The following ZBTB20 variants were observed in gnomAD, a reference collection of about 807,000 sequenced individuals.
ZBTB20 encodes the protein zinc finger and BTB domain-containing protein 20.
ZBTB20 carries 9 observed loss-of-function variants against 56.9 expected under a neutral mutation model. That is an observed-to-expected ratio of 0.16 (90% CI 0.10 to 0.28). The LOEUF is 0.28. ZBTB20 is among the 10% of genes least tolerant of loss of function. The probability of loss-of-function intolerance (pLI) is 1.00; values close to 1 mark genes in which losing one functional copy is unlikely to be tolerated. For synonymous variants in ZBTB20, 417 were observed against 420.7 expected (o/e 0.99, Z 0.11); for missense variants, 655 against 1,003.0 (o/e 0.65, Z 4.69).
At chr3:114,903,269 T>C (rs1480412705) in intron 3 of ZBTB20, among the ~76,000 whole-genome samples, 1 of 152,134 alleles carries the variant, frequency 6.6e-6, no homozygotes, top group African/African-American at 2.4e-5. Flanking sequence ...TTACTCACCC[T>C]ACGAGGTTGT....
intron 7 of ZBTB20, among the ~76,000 whole-genome samples, chr3:114,448,540 A>C (rs1015747204): frequency 2.0e-5 from 3 of 152,238 alleles, no homozygotes; most frequent in Non-Finnish European, 2.9e-5. Context: ...CAGGTTAAAA[A>C]ATCTCTTCTT....
intron 6 of ZBTB20, among the ~76,000 whole-genome samples, chr3:114,548,245 A>G (rs2050134499): frequency 2.0e-5 from 3 of 152,210 alleles, no homozygotes; most frequent in African/African-American, 7.2e-5. Flanking sequence ...AGGAAAACTC[A>G]CACTTTTTTT....
intron 3 of ZBTB20, among the ~76,000 whole-genome samples, chr3:114,965,992 ATAAAAAAAGAGGCAAACATTTCCT>A (rs1257349612): frequency 2.6e-5 from 4 of 152,162 alleles, no homozygotes; most frequent in African/African-American, 9.7e-5. Flanking sequence ...TTTTAGAAAA[ATAAAAAAAGAGGCAAACATTTCCT>A]TAAAATCCAT....
chr3:114,532,060 C>A (rs1350021442), intron 6 of ZBTB20, among the ~76,000 whole-genome samples: 1 of 152,158 alleles, frequency 6.6e-6, no homozygotes, highest in Non-Finnish European at 1.5e-5. Context: ...AACTGGGCGG[C>A]CGTTTGGGCA....
At chr3:114,379,638 T>G (rs1216791495) in intron 10 of ZBTB20, among the ~76,000 whole-genome samples, 1 of 152,234 alleles carries the variant, frequency 6.6e-6, no homozygotes, top group Non-Finnish European at 1.5e-5. Flanking sequence ...ATTTTTAACC[T>G]GGATTCTCAT....
At chr3:114,626,065 G>A (rs757490158) in intron 6 of ZBTB20, among the ~76,000 whole-genome samples, 21 of 152,126 alleles carry the variant, frequency 1.4e-4, no homozygotes, top group Non-Finnish European at 2.6e-4. Flanking sequence ...AAACAGCATG[G>A]AAAACAGAAG....
chr3:114,810,525 T>A (rs1360002651), intron 4 of ZBTB20, among the ~76,000 whole-genome samples: 2 of 152,178 alleles, frequency 1.3e-5, no homozygotes, highest in Non-Finnish European at 2.9e-5. Flanking sequence ...GAACTACTGA[T>A]ACAATGGAAC....
chr3:114,768,881 T>C (rs1427405865), intron 5 of ZBTB20, among the ~76,000 whole-genome samples: 10 of 152,148 alleles, frequency 6.6e-5, no homozygotes. Flanking sequence ...ACCCAGTAAT[T>C]TTGCTACCAT....
chr3:114,411,789 A>G (rs1253698740), intron 7 of ZBTB20, among the ~76,000 whole-genome samples: 7 of 152,170 alleles, frequency 4.6e-5, no homozygotes, highest in Admixed American at 3.9e-4. Flanking sequence ...ATAATATTGA[A>G]GCACATTTAA....
intron 7 of ZBTB20, among the ~76,000 whole-genome samples, chr3:114,455,134 G>C: frequency 6.6e-6 from 1 of 151,430 alleles, no homozygotes; most frequent in East Asian, 1.9e-4. Context: ...GATTGGAACA[G>C]GAGGGAGAGA....
chr3:114,496,896 C>G (rs1387283183), intron 7 of ZBTB20, among the ~76,000 whole-genome samples: 5 of 152,188 alleles, frequency 3.3e-5, no homozygotes, highest in African/African-American at 1.2e-4. Flanking sequence ...GGAATGTCTT[C>G]TCCTTATCTG....
At chr3:114,910,282 C>A (rs2075479208) in intron 3 of ZBTB20, among the ~76,000 whole-genome samples, 1 of 151,066 alleles carries the variant, frequency 6.6e-6, no homozygotes. Flanking sequence ...TTTATATAAA[C>A]ATACACACAC....
chr3:115,131,341 T>C (rs1417594250), intron 1 of ZBTB20, among the ~76,000 whole-genome samples: 1 of 152,200 alleles, frequency 6.6e-6, no homozygotes, highest in Non-Finnish European at 1.5e-5. Context: ...ATCTTTGTAA[T>C]TATTTTTTAA....
intron 6 of ZBTB20, among the ~76,000 whole-genome samples, chr3:114,540,846 A>G (rs1320597958): frequency 1.3e-5 from 2 of 152,108 alleles, no homozygotes; most frequent in Non-Finnish European, 2.9e-5. Flanking sequence ...AAATTAAGCA[A>G]TTCCTTTAGT....
At chr3:114,903,406 C>T (rs2075201084) in intron 3 of ZBTB20, among the ~76,000 whole-genome samples, 1 of 151,972 alleles carries the variant, frequency 6.6e-6, no homozygotes, top group Non-Finnish European at 1.5e-5. Context: ...ATGTCTGTCC[C>T]TTTAAGCTAA....
chr3:114,771,262 T>C (rs1188163030), intron 5 of ZBTB20, among the ~76,000 whole-genome samples: 3 of 152,132 alleles, frequency 2.0e-5, no homozygotes, highest in Non-Finnish European at 4.4e-5. Flanking sequence ...AATAACATAG[T>C]AGAACATACT....
At chr3:114,873,632 G>A (rs185188468) in intron 4 of ZBTB20, among the ~76,000 whole-genome samples, 1 of 152,192 alleles carries the variant, frequency 6.6e-6, no homozygotes, top group East Asian at 1.9e-4. Flanking sequence ...TAACACAAAA[G>A]GTTCTGAAAA....
chr3:114,797,546 G>T (rs536915042), intron 5 of ZBTB20, among the ~76,000 whole-genome samples: 3 of 151,740 alleles, frequency 2.0e-5, no homozygotes, highest in Non-Finnish European at 4.4e-5. Flanking sequence ...AGAAAGATGC[G>T]ATTTTCCCAG....
At chr3:114,373,802 A>G (rs1195706643) in intron 10 of ZBTB20, among the ~76,000 whole-genome samples, 2 of 152,222 alleles carry the variant, frequency 1.3e-5, no homozygotes, top group Admixed American at 1.3e-4. Context: ...GACTGAATTA[A>G]TGACTAAATG....
Sources: allele counts gnomAD v4.1 joint callset (sites outside exome capture counted in the v4.1 genomes callset), GRCh38; gene constraint gnomAD v4.1.1; transcripts MANE v1.5; gene names NCBI Gene and HGNC (gene_info 2026-07-23, HGNC 2026-07-21).